The following ARID5B variants were observed in gnomAD, a reference collection of about 807,000 sequenced individuals.
ARID5B encodes the protein AT-rich interaction domain 5B.
Under a neutral mutation model 97.2 loss-of-function variants are expected in ARID5B, and 13 were observed. That is an observed-to-expected ratio of 0.13 (90% CI 0.09 to 0.21). The LOEUF (loss-of-function observed/expected upper bound fraction) is 0.21, where lower values mean the gene tolerates loss of function less well. Among genes scored for constraint, ARID5B ranks in the 10% least tolerant of loss-of-function variants. The pLI is 1.00. For synonymous variants in ARID5B, 556 were observed against 570.3 expected (o/e 0.97, Z 0.36); for missense variants, 1,210 against 1,465.3 (o/e 0.83, Z 2.84).
In ARID5B at chr10:62,091,884, G is replaced by C. The variant is rs766065304; in HGVS notation, c.2421G>C (p.Gln807His). 1.9e-5 allele frequency: 31 copies of C among 1,614,038 alleles called. No individual in the cohort carries two copies. Among genetic ancestry groups the C allele is most frequent in the Middle Eastern group, 3.3e-4 (2 of 6,062 alleles). Residue 807 changes from glutamine to histidine, a missense_variant, in exon 10 of 10, where the codon CAG (glutamine) becomes CAC (histidine). By Grantham distance (24) the Gln-to-His change is conservative (BLOSUM62 0). Around this residue, in one of 8 missense-constraint regions of ARID5B, gnomAD observed 800 missense variants for 839.1 expected, o/e 0.95. Coordinates refer to ENST00000279873, the MANE Select transcript of ARID5B (RefSeq NM_032199.3). ...ADSYVLKQEIQEGKDKLLEKR... is the reference protein window; with the variant it reads ...ADSYVLKQEIHEGKDKLLEKR... ...CCTACGTCCTGAAGCAAGAAATTCA[G>C]GAGGGCAAGGATAAACTCTTAGAGA... is the stretch of plus-strand genomic sequence containing the variant.
intron 2 of ARID5B, among the ~76,000 whole-genome samples, chr10:61,936,213 C>T (rs1433358335): frequency 1.3e-5 from 2 of 152,182 alleles, no homozygotes; most frequent in African/African-American, 4.8e-5. Context: ...TTCAAATTGG[C>T]CCTTTTTTAA....
intron 2 of ARID5B, among the ~76,000 whole-genome samples, chr10:61,919,052 C>CAA (rs1491468240): frequency 7.4e-4 from 40 of 54,340 alleles, no homozygotes; most frequent in African/African-American, 2.5e-3. Flanking sequence ...CCCCCCCCCC[C>CAA]AAAAAAATAA....
chr10:61,903,220 C>T (rs1843647351), intron 2 of ARID5B, among the ~76,000 whole-genome samples: 2 of 152,050 alleles, frequency 1.3e-5, no homozygotes, highest in Admixed American at 1.3e-4. Context: ...CGCCCACTGG[C>T]CCTGCGGGTC....
intron 4 of ARID5B, among the ~76,000 whole-genome samples, chr10:62,019,897 A>G (rs116853320): frequency 0.021 from 3,175 of 152,282 alleles, 52 homozygotes; most frequent in Non-Finnish European, 0.032. Flanking sequence ...TTAATCGCCC[A>G]GGGCTGAGCT....
intron 4 of ARID5B, chr10:62,024,565 T>C (rs960591323): frequency 1.1e-5 from 4 of 372,800 alleles, no homozygotes; most frequent in Non-Finnish European, 1.9e-5. Context: ...TCCTGATTGA[T>C]ATTGACTACC....
intron 4 of ARID5B, among the ~76,000 whole-genome samples, chr10:62,018,660 G>C (rs1431512701): frequency 7.0e-6 from 1 of 143,740 alleles, no homozygotes; most frequent in African/African-American, 2.6e-5. Context: ...ATTTTTTGTG[G>C]GTGTTCAGAT....
At chr10:61,946,407 T>C (rs1029280351) in intron 3 of ARID5B, among the ~76,000 whole-genome samples, 4 of 152,232 alleles carry the variant, frequency 2.6e-5, no homozygotes, top group African/African-American at 7.2e-5. Context: ...TTACTAGGAT[T>C]GGAAGACATC....
At chr10:61,902,531 C>T in intron 2 of ARID5B, 118 bp downstream of exon 2, 3 of 1,400,304 alleles carry the variant, frequency 2.1e-6, no homozygotes, top group Non-Finnish European at 1.9e-6. Context: ...GGATCGACTC[C>T]TTTTTTAAAG....
At chr10:62,076,092 C>T (rs138851148) in intron 8 of ARID5B, among the ~76,000 whole-genome samples, 32 of 152,266 alleles carry the variant, frequency 2.1e-4, no homozygotes, top group Non-Finnish European at 2.8e-4. Context: ...ATGCTGCTTC[C>T]GGTGAGCCCG....
At chr10:61,989,650 T>G (rs1564621377) in intron 3 of ARID5B, among the ~76,000 whole-genome samples, 1 of 152,258 alleles carries the variant, frequency 6.6e-6, no homozygotes, top group Admixed American at 6.5e-5. Flanking sequence ...TGCATAGGTT[T>G]ATGCAGTTTA....
At chr10:62,089,186 A>T (rs750850022) in intron 9 of ARID5B, among the ~76,000 whole-genome samples, 39 of 152,160 alleles carry the variant, frequency 2.6e-4, no homozygotes, top group Middle Eastern at 3.2e-3. Context: ...AGCTCAAGAG[A>T]CCAATGTGAT....
chr10:62,010,528 C>T (rs1279198164), intron 4 of ARID5B, among the ~76,000 whole-genome samples: 1 of 152,202 alleles, frequency 6.6e-6, no homozygotes, highest in Non-Finnish European at 1.5e-5. Context: ...ATAAGTATTT[C>T]GTGACCTCAG....
chr10:61,959,396 T>C (rs1838438857), intron 3 of ARID5B, among the ~76,000 whole-genome samples: 1 of 152,132 alleles, frequency 6.6e-6, no homozygotes. Context: ...CTACACCTAA[T>C]AGGTTCAGTG....
At chr10:61,922,454 T>A (rs1311608937) in intron 2 of ARID5B, among the ~76,000 whole-genome samples, 3 of 152,114 alleles carry the variant, frequency 2.0e-5, no homozygotes, top group African/African-American at 4.8e-5. Flanking sequence ...AATACAAAAA[T>A]TAGCTGGGCG....
chr10:61,964,731 GT>G (rs1838519642), intron 3 of ARID5B, among the ~76,000 whole-genome samples: 1 of 152,202 alleles, frequency 6.6e-6, no homozygotes, highest in African/African-American at 2.4e-5. Context: ...CTTTGGGGTA[GT>G]TTTTTGGTGA....
intron 8 of ARID5B, among the ~76,000 whole-genome samples, chr10:62,081,680 T>C (rs1029509703): frequency 6.6e-6 from 1 of 152,348 alleles, no homozygotes; most frequent in Admixed American, 6.5e-5. Context: ...AATATAAAAT[T>C]ATCTGCCTTA....
chr10:62,051,139 T>TGA, intron 5 of ARID5B, 139 bp downstream of exon 5: 2 of 779,594 alleles, frequency 2.6e-6, no homozygotes, highest in Non-Finnish European at 4.4e-6. Context: ...TTTGAAGCTC[T>TGA]ATGCTGTGCC....
chr10:61,975,416 G>T lies in ARID5B; in HGVS notation c.503-24675G>T, dbSNP rs1838685297. Reference sequence around the variant, plus strand: ...AAATAGAAAGTGGGAGTAGCTCAGTGGGTAATGTCTGCACAAAGTGTAGCA... The same window carrying T: ...AAATAGAAAGTGGGAGTAGCTCAGTTGGTAATGTCTGCACAAAGTGTAGCA... On this transcript the variant is annotated intron_variant, in intron 3 of 9. Transcript: ENST00000279873. Among the ~76,000 whole-genome samples, 2 of 152,194 alleles carry T rather than the reference G, an allele frequency of 1.3e-5. 1 individual carries two copies. Among genetic ancestry groups the T allele is most frequent in the African/African-American group, 4.8e-5 (2 of 41,452 alleles).
intron 2 of ARID5B, among the ~76,000 whole-genome samples, chr10:61,915,128 A>G (rs1228512891): frequency 6.6e-6 from 1 of 152,182 alleles, no homozygotes; most frequent in East Asian, 1.9e-4. Flanking sequence ...TACACTTTGA[A>G]AGGGCACTTT....
Sources: allele counts gnomAD v4.1 joint callset (sites outside exome capture counted in the v4.1 genomes callset), GRCh38; gene constraint gnomAD v4.1.1; regional missense constraint gnomAD v4.1.1; transcripts MANE v1.5; gene names NCBI Gene and HGNC (gene_info 2026-07-23, HGNC 2026-07-21).